The following TGM5 variants were observed in gnomAD, a reference collection of about 807,000 sequenced individuals.
TGM5 encodes the protein protein-glutamine gamma-glutamyltransferase 5.
A neutral mutation model predicts 77.2 loss-of-function variants in TGM5; 69 were observed. That is an observed-to-expected ratio of 0.89 (90% CI 0.74 to 1.09). TGM5 has a LOEUF of 1.09. TGM5 is among the 50% of genes least tolerant of loss of function. TGM5 has a pLI of 0.00. For missense variants in TGM5, 842 were observed against 896.5 expected (o/e 0.94, Z 0.78); for synonymous variants, 346 against 351.8 (o/e 0.98, Z 0.18).
chr15:43,253,971 AG>A (rs35025462), intron 4 of TGM5, among the ~76,000 whole-genome samples: 63,666 of 151,954 alleles, frequency 0.42, 15,553 homozygotes, highest in African/African-American at 0.67. Flanking sequence ...CTAGAGCACC[AG>A]GGGGTGTTCC....
intron 4 of TGM5, among the ~76,000 whole-genome samples, chr15:43,254,141 C>T (rs1025556892): frequency 2.6e-5 from 4 of 152,216 alleles, no homozygotes; most frequent in African/African-American, 9.6e-5. Context: ...ATTTCCCACC[C>T]AAGGCAGGCT....
chr15:43,248,806 A>G (rs972008082), intron 6 of TGM5, among the ~76,000 whole-genome samples: 16 of 152,196 alleles, frequency 1.1e-4, no homozygotes, highest in African/African-American at 3.9e-4. Flanking sequence ...AACAATGAGA[A>G]CAAGAGTTAT....
intron 6 of TGM5, among the ~76,000 whole-genome samples, chr15:43,250,947 A>G (rs1329606082): frequency 1.3e-5 from 2 of 152,118 alleles, no homozygotes; most frequent in Admixed American, 6.6e-5. Context: ...CATAATCTCC[A>G]TTCACTGGCT....
intron 6 of TGM5, among the ~76,000 whole-genome samples, chr15:43,246,715 T>G (rs1443647560): frequency 1.3e-5 from 2 of 152,114 alleles, no homozygotes; most frequent in Non-Finnish European, 2.9e-5. Context: ...AGAGAGAGTA[T>G]TCCAGAGATC....
At position 43,235,640 on chromosome 15, in the gene TGM5, C is replaced by T. The variant is rs201416948; in HGVS notation, c.1543G>A (p.Asp515Asn). Residue 515 changes from aspartate (D) to asparagine (N), a missense_variant, in exon 10 of 13, where the codon GAC (aspartate) becomes AAC (asparagine). Asp to Asn is a conservative substitution (Grantham distance 23, BLOSUM62 1). Transcript: ENST00000220420. ...VQVSLKFKLL[D>N]PPNMGQDICF... ...ATATCCTGGCCCATGTTGGGCGGGT[C>T]GAGCAGCTTGAATTTCAGGGAGACT... The T allele has an allele frequency of 7.4e-6, 12 of 1,614,096 alleles. No homozygotes were observed. The highest frequency in any genetic ancestry group is 3.3e-5 in the Admixed American group (2 of 60,010).
Position 43,233,309 on chromosome 15 carries a change from A to T in TGM5, c.2045T>A (p.Ile682Asn), listed in dbSNP as rs1566826410. 2 of 1,614,104 alleles carry T rather than the reference A, an allele frequency of 1.2e-6. No homozygotes were observed. The highest frequency in any genetic ancestry group is 1.7e-6 in the Non-Finnish European group (2 of 1,180,038). Residue 682 changes from isoleucine (I) to asparagine (N), a missense_variant, in exon 13 of 13, where the codon ATC becomes AAC. Physicochemically the swap from Ile to Asn is moderately radical, Grantham distance 149 (BLOSUM62 -3). Coordinates refer to ENST00000220420, the MANE Select transcript of TGM5 (RefSeq NM_201631.4). ...CTTGAAGGGGACGGTCTCCAGAATGATGCTTGCTTGGTGTTGGGGTTTGAG... is the reference window on the plus strand; with the variant it reads ...CTTGAAGGGGACGGTCTCCAGAATGTTGCTTGCTTGGTGTTGGGGTTTGAG... ...GVLKPQHQAS[I>N]ILETVPFKSG... is the part of the protein sequence containing the mutation.
rs1220908881 is a variant in TGM5 at position 43,253,651 on chromosome 15, A to G, written c.556-17T>C. On this transcript the variant is annotated splice_polypyrimidine_tract_variant and intron_variant, in intron 4 of 12. Coordinates refer to ENST00000220420, the MANE Select transcript of TGM5 (RefSeq NM_201631.4). ...GTCTTCAAACTTCGGGGGGAGAGGC[A>G]GAGAGGGAAGGCACCCATGCTTGTC... 2 of 1,610,928 alleles carry G rather than the reference A, an allele frequency of 1.2e-6. No individual in the cohort carries two copies. The highest frequency in any genetic ancestry group is 1.7e-6 in the Non-Finnish European group (2 of 1,179,984).
chr15:43,258,175 A>T lies in TGM5; in HGVS notation c.437-1489T>A, dbSNP rs189837829. ...GCACACCAACATGGCACATGTATAC[A>T]TATGTAACAAACCTGCATGTTGTGC... On this transcript the variant is annotated intron_variant, in intron 3 of 12. Coordinates refer to ENST00000220420, the MANE Select transcript of TGM5 (RefSeq NM_201631.4). Among the ~76,000 whole-genome samples the T allele has an allele frequency of 2.6e-5, 4 of 152,004 alleles. No homozygotes were observed. In the East Asian group the frequency reaches 7.7e-4, roughly 29 times the overall value.
chr15:43,234,998 G>A, intron 10 of TGM5, 69 bp from the exon 11 acceptor site: 1 of 1,575,060 alleles, frequency 6.3e-7, no homozygotes, highest in Non-Finnish European at 8.7e-7. Flanking sequence ...TTGGACCTGG[G>A]TCTCTCTTCC....
At chr15:43,239,502 G>T in intron 7 of TGM5, 1 of 549,988 alleles carries the variant, frequency 1.8e-6, no homozygotes, top group Non-Finnish European at 3.3e-6. Flanking sequence ...GGCAAAAAAG[G>T]AAGATCTCGT....
chr15:43,262,412 A>G (rs1330844271), intron 1 of TGM5, among the ~76,000 whole-genome samples: 2 of 152,230 alleles, frequency 1.3e-5, no homozygotes, highest in Non-Finnish European at 1.5e-5. Flanking sequence ...GGTTGTATTT[A>G]GACTTTTTCA....
intron 1 of TGM5, among the ~76,000 whole-genome samples, chr15:43,262,851 T>C (rs1218943700): frequency 1.3e-5 from 2 of 152,234 alleles, no homozygotes; most frequent in Non-Finnish European, 2.9e-5. Context: ...GTCACATCTA[T>C]TTAACATTCT....
Position 43,252,856 on chromosome 15 carries a change from C to G in TGM5, c.765G>C (p.Trp255Cys). ...GCTTCAGGATGGCCACGCTGCCCGT[C>G]CACTCCGCAGGGTTGGCGCCGTCTG... is the stretch of plus-strand genomic sequence containing the variant. ...NYTDGANPAE[W>C]TGSVAILKQW... The change falls in exon 6 of 13, where the codon TGG becomes TGC. Residue 255 changes from tryptophan to cysteine, a missense_variant. Transcript: ENST00000220420. 1 of 1,614,024 alleles carries G rather than the reference C, an allele frequency of 6.2e-7. No homozygotes were observed. Among genetic ancestry groups the G allele is most frequent in the East Asian group, 2.2e-5 (1 of 44,892 alleles).
At chr15:43,237,986 G>A (rs1385998649) in intron 9 of TGM5, among the ~76,000 whole-genome samples, 1 of 152,224 alleles carries the variant, frequency 6.6e-6, no homozygotes, top group African/African-American at 2.4e-5. Flanking sequence ...GGGTGGTGAT[G>A]GCACTGCTGG....
chr15:43,241,287 C>A, intron 6 of TGM5: 1 of 455,006 alleles, frequency 2.2e-6, no homozygotes, highest in Non-Finnish European at 4.1e-6. Flanking sequence ...ACTGGCAAGC[C>A]TTTCCTTTGG....
At chr15:43,266,815 C>T in intron 1 of TGM5, 25 bp downstream of exon 1, 1 of 1,614,104 alleles carries the variant, frequency 6.2e-7, no homozygotes, top group South Asian at 1.1e-5. Context: ...CCCTGAACTC[C>T]AGTGGCCACA....
Position 43,253,646 on chromosome 15 carries a change from GAGGCAGAGAGGGA to G in TGM5, c.556-25_556-13del. 6.2e-7 allele frequency: 1 copy of G among 1,611,456 alleles called. No homozygotes were observed. Among genetic ancestry groups the G allele is most frequent in the Non-Finnish European group, 8.5e-7 (1 of 1,180,014 alleles). On this transcript the variant is annotated splice_polypyrimidine_tract_variant and intron_variant, in intron 4 of 12. Transcript: ENST00000220420. ...ATTTTGTCTTCAAACTTCGGGGGGA[GAGGCAGAGAGGGA>G]AGGCACCCATGCTTGTCACGTGGGA... is the stretch of plus-strand genomic sequence containing the variant.
intron 11 of TGM5, 44 bp from the exon 12 acceptor site, chr15:43,233,731 A>C (rs2042565669): frequency 6.2e-7 from 1 of 1,610,084 alleles, no homozygotes; most frequent in South Asian, 1.1e-5. Flanking sequence ...CTCATTCCCC[A>C]ACTCACCAGA....
At chr15:43,260,978 C>T (rs1479498936) in intron 1 of TGM5, among the ~76,000 whole-genome samples, 1 of 150,698 alleles carries the variant, frequency 6.6e-6, no homozygotes, top group African/African-American at 2.4e-5. Flanking sequence ...GTCTCACTTG[C>T]GCCTGTACTA....
Sources: allele counts gnomAD v4.1 joint callset (sites outside exome capture counted in the v4.1 genomes callset), GRCh38; gene constraint gnomAD v4.1.1; transcripts MANE v1.5; gene names NCBI Gene and HGNC (gene_info 2026-07-23, HGNC 2026-07-21).